Variants in ZNF596 observed in about 807,000 individuals in gnomAD.
ZNF596 encodes zinc finger protein 596.
ZNF596 carries 45 observed loss-of-function variants against 48.3 expected under a neutral mutation model. That is an observed-to-expected ratio of 0.93 (90% CI 0.73 to 1.19). ZNF596 has a LOEUF of 1.19. Among genes scored for constraint, ZNF596 ranks in the 50% most tolerant of loss-of-function variants. The pLI is 0.00. For missense variants in ZNF596, 848 were observed against 599.7 expected (o/e 1.41, Z -4.32); for synonymous variants, 270 against 202.0 (o/e 1.34, Z -2.85).
intron 1 of ZNF596, chr8:232,979 C>G: frequency 4.3e-6 from 2 of 468,716 alleles, no homozygotes; most frequent in Non-Finnish European, 8.8e-6. Context: ...TGTTTACCTT[C>G]CCGGTGTCCC....
At chr8:232,950 A>G in intron 1 of ZNF596, 1 of 468,586 alleles carries the variant, frequency 2.1e-6, no homozygotes, top group South Asian at 1.5e-5. Context: ...ATCGCCTCCC[A>G]CTAGCGGTGA....
intron 1 of ZNF596, chr8:237,200 C>G (rs1440497715): frequency 1.3e-5 from 2 of 151,962 alleles, no homozygotes; most frequent in Non-Finnish European, 2.9e-5. Context: ...TTTTATTAAC[C>G]TGTGTTTTTT....
chr8:239,769 T>G (rs931079219), intron 1 of ZNF596, among the ~76,000 whole-genome samples: 14 of 152,100 alleles, frequency 9.2e-5, no homozygotes, highest in African/African-American at 3.4e-4. Context: ...TTATGTGGTG[T>G]TCATCAAGTA....
Position 246,693 on chromosome 8 carries a change from T to C in ZNF596, c.*331T>C, listed in dbSNP as rs190773228. 44 of 217,876 alleles carry C rather than the reference T, an allele frequency of 2.0e-4. No individual in the cohort carries two copies. The East Asian group carries it at 4.5e-3, about 22-fold the overall frequency. 13.5% of individuals were successfully genotyped at this position (217,876 alleles called of 1,614,324 possible). A position where few individuals can be genotyped will look rare whatever the true frequency, so the allele number is the denominator to read the frequency against. ...AGTGTGAAAATGCCTTTGCTGATAA[T>C]TTATCCTCTAAACAAATGAGTAAAA... On this transcript the variant is annotated 3_prime_UTR_variant, in exon 6 of 6. Coordinates refer to ENST00000398612, the MANE Select transcript of ZNF596 (RefSeq NM_001042416.3).
intron 1 of ZNF596, among the ~76,000 whole-genome samples, chr8:235,574 CAT>C (rs772917948): frequency 2.0e-4 from 31 of 152,050 alleles, no homozygotes; most frequent in Admixed American, 3.9e-4. Context: ...ATTTTATAGA[CAT>C]ATGTGTAAAA....
chr8:246,477 C>G lies in ZNF596; in HGVS notation c.*115C>G. ...TATTTATATTTACCACTTTGCTCAA[C>G]CTAAATGAATTCAAGGTAGAGAGAA... is the stretch of plus-strand genomic sequence containing the variant. On this transcript the variant is annotated 3_prime_UTR_variant, in exon 6 of 6. Coordinates refer to ENST00000398612, the MANE Select transcript of ZNF596 (RefSeq NM_001042416.3). 7.4e-7 allele frequency: 1 copy of G among 1,343,556 alleles called. No individual in the cohort carries two copies. Among genetic ancestry groups the G allele is most frequent in the Non-Finnish European group, 1.0e-6 (1 of 998,306 alleles). The allele number at this position is 1,343,556 out of a possible 1,614,324, so 83.2% of individuals were successfully genotyped here.
rs748446791 is a variant in ZNF596 at position 246,120 on chromosome 8, G to A, written c.1273G>A (p.Gly425Arg). ...AAAACCATATGAATGCCATCTATGC[G>A]GAAAAGCCTTCAATCACTCTTCTGT... ...GEKPYECHLC[G>R]KAFNHSSVLR... Residue 425 changes from glycine to arginine, a missense_variant, in exon 6 of 6, where the codon GGA becomes AGA. By Grantham distance (125) the Gly-to-Arg change is moderately radical (BLOSUM62 -2). Coordinates refer to ENST00000398612, the MANE Select transcript of ZNF596 (RefSeq NM_001042416.3). 3.7e-5 allele frequency: 60 copies of A among 1,613,368 alleles called. 1 individual carries two copies. Among genetic ancestry groups the A allele is most frequent in the Admixed American group, 1.5e-4 (9 of 59,994 alleles).
chr8:232,419 A>C (rs998759770), upstream of ZNF596: 2 of 230,508 alleles, frequency 8.7e-6, no homozygotes, highest in Non-Finnish European at 1.9e-5. Context: ...CGCTCGGGTG[A>C]GTGCCCTCCG....
chr8:244,431 A>AT (rs1260673717), intron 4 of ZNF596, 188 bp from the exon 5 acceptor site: 2 of 569,692 alleles, frequency 3.5e-6, no homozygotes, highest in East Asian at 6.1e-5. Flanking sequence ...ACTTGCCTTT[A>AT]TTTTTTTATA....
In ZNF596 at chr8:243,008, C is replaced by T; in HGVS notation, c.134C>T (p.Ser45Phe). 6.2e-7 allele frequency: 1 copy of T among 1,610,072 alleles called. No individual in the cohort carries two copies. The highest frequency in any genetic ancestry group is 8.5e-7 in the Non-Finnish European group (1 of 1,177,076). Residue 45 changes from serine (S) to phenylalanine (F), a missense_variant, in exon 3 of 6, where the codon TCT becomes TTT. Ser to Phe is a radical substitution (Grantham distance 155, BLOSUM62 -2). Coordinates refer to ENST00000398612, the MANE Select transcript of ZNF596 (RefSeq NM_001042416.3). The stretch of plus-strand genomic sequence containing the variant: ...TTGGAGAACATCAGTCATCTGGTCT[C>T]TATTGGTGAGTCTCTTTATATTTAT... The part of the protein sequence containing the change: ...VMLENISHLV[S>F]IGKQLCKSVV...
intron 4 of ZNF596, 130 bp downstream of exon 4, chr8:243,935 T>G: frequency 1.5e-6 from 1 of 678,506 alleles, no homozygotes; most frequent in East Asian, 3.3e-5. Context: ...TCACCCAGGC[T>G]GGAGTGCAGT....
rs750795160 is a variant in ZNF596, at chr8:246,411, C to G, written c.*49C>G. 2.6e-6 allele frequency: 4 copies of G among 1,522,244 alleles called. No homozygotes were observed. Among genetic ancestry groups the G allele is most frequent in the East Asian group, 2.3e-5 (1 of 44,320 alleles). 94.3% of individuals were successfully genotyped at this position (1,522,244 alleles called of 1,614,324 possible). ...ACTAAATACACCAAGGACAAACATA[C>G]TACAGGAATATTATGTCTGTAATCA... On this transcript the variant is annotated 3_prime_UTR_variant, in exon 6 of 6. Coordinates refer to ENST00000398612, the MANE Select transcript of ZNF596 (RefSeq NM_001042416.3).
rs145961056 is a variant in ZNF596 at position 245,517 on chromosome 8, G to A, written c.670G>A (p.Gly224Arg). 3.2e-5 allele frequency: 51 copies of A among 1,614,108 alleles called. No homozygotes were observed. The highest frequency in any genetic ancestry group is 1.6e-4 in the Middle Eastern group (1 of 6,062). ...GATTCACACTGGAGAGAAACCACACGGATGTCATCTATGTGGGAAAGCCTT... is the reference window on the plus strand; with the variant it reads ...GATTCACACTGGAGAGAAACCACACAGATGTCATCTATGTGGGAAAGCCTT... ...EMIHTGEKPHGCHLCGKAFTH... is the reference protein window; with the variant it reads ...EMIHTGEKPHRCHLCGKAFTH... The change falls in exon 6 of 6, where the codon GGA (glycine) becomes AGA (arginine). Residue 224 changes from glycine to arginine, a missense_variant. Gly to Arg is a moderately radical substitution (Grantham distance 125, BLOSUM62 -2). Transcript: ENST00000398612.
intron 1 of ZNF596, chr8:237,786 T>C (rs999769458): frequency 1.3e-5 from 2 of 152,264 alleles, no homozygotes; most frequent in Non-Finnish European, 2.9e-5. Flanking sequence ...GCTAGGATTA[T>C]AGGCTGGACT....
chr8:234,982 A>G (rs1410927325), intron 1 of ZNF596: 1 of 152,228 alleles, frequency 6.6e-6, no homozygotes, highest in African/African-American at 2.4e-5. Flanking sequence ...AAGATTGATG[A>G]GAGGAAATGT....
chr8:242,317 A>G (rs1563066913), intron 2 of ZNF596, among the ~76,000 whole-genome samples: 1 of 147,342 alleles, frequency 6.8e-6, no homozygotes, highest in East Asian at 1.9e-4. Context: ...TGTTCACACA[A>G]CTGAGTGTTC....
At chr8:234,317 T>A (rs1459711608) in intron 1 of ZNF596, 1 of 152,190 alleles carries the variant, frequency 6.6e-6, no homozygotes, top group East Asian at 1.9e-4. Context: ...AGAACGGTGT[T>A]ATGAAAGAAG....
rs139023112 is a variant in ZNF596 at position 243,863 on chromosome 8, G to A, written c.223+58G>A. The A allele has an allele frequency of 4.8e-4, 682 of 1,424,562 alleles. 14 individuals carry two copies. The East Asian group carries it at 0.014, about 29-fold the overall frequency. The allele number at this position is 1,424,562 out of a possible 1,614,324, so 88.2% of individuals were successfully genotyped here. A position where few individuals can be genotyped will look rare whatever the true frequency, so the allele number is the denominator to read the frequency against. On this transcript the variant is annotated intron_variant, in intron 4 of 5. Coordinates refer to ENST00000398612, the MANE Select transcript of ZNF596 (RefSeq NM_001042416.3). ...GAGGAGAAACATGGCCAGTGAGTGAGTAGGACCCAACAGTTGCCAAAGGAA... is the reference window on the plus strand; with the variant it reads ...GAGGAGAAACATGGCCAGTGAGTGAATAGGACCCAACAGTTGCCAAAGGAA...
Position 245,711 on chromosome 8 carries a change from C to G in ZNF596, c.864C>G (p.Phe288Leu). The change falls in exon 6 of 6, where the codon TTC (phenylalanine) becomes TTG (leucine). Residue 288 changes from phenylalanine to leucine, a missense_variant. By Grantham distance (22) the Phe-to-Leu change is conservative. Coordinates refer to ENST00000398612, the MANE Select transcript of ZNF596 (RefSeq NM_001042416.3). ...TATGCCATCTATGTGGGAAAGCCTT[C>G]ACTCATTGCTCTGACCTTAGAAAAC... ...AQICHLCGKA[F>L]THCSDLRKHE... The G allele has an allele frequency of 6.2e-7, 1 of 1,614,028 alleles. No individual in the cohort carries two copies.
Sources: allele counts gnomAD v4.1 joint callset (sites outside exome capture counted in the v4.1 genomes callset), GRCh38; gene constraint gnomAD v4.1.1; transcripts MANE v1.5; gene names NCBI Gene and HGNC (gene_info 2026-07-23, HGNC 2026-07-21).